The following RAB33A variants were observed in gnomAD, a reference collection of about 807,000 sequenced individuals.
RAB33A encodes the protein ras-related protein Rab-33A.
RAB33A carries 6 observed loss-of-function variants against 12.0 expected under a neutral mutation model. The ratio of observed to expected loss-of-function variants is 0.50; its 90% CI spans 0.27 to 0.99. The LOEUF is 0.99. Ranked by LOEUF, RAB33A falls within the 50% of genes least tolerant of loss-of-function variation. RAB33A has a pLI of 0.11. For missense variants in RAB33A, 109 were observed against 192.0 expected, an observed-to-expected ratio of 0.57 and a Z score of 2.55; for synonymous variants, 70 against 82.4, an observed-to-expected ratio of 0.85 and a Z score of 0.81.
chrX:130,138,293 A>G, the RAB33A span, among the ~76,000 whole-genome samples: 987 of 109,589 alleles, frequency 9.0e-3, 8 homozygotes, highest in African/African-American at 0.031. Context: ...GTGAAACCCC[A>G]TCTCTACTAA....
the RAB33A span, among the ~76,000 whole-genome samples, chrX:130,138,330 T>C: frequency 1.8e-5 from 2 of 110,529 alleles, no homozygotes; most frequent in African/African-American, 6.6e-5. Context: ...CCAGGCGTGG[T>C]TACAGGCGCC....
At chrX:130,118,998 A>G in the RAB33A span, among the ~76,000 whole-genome samples, 13 of 111,349 alleles carry the variant, frequency 1.2e-4, no homozygotes, top group African/African-American at 4.3e-4. Context: ...GTCGCTGCCA[A>G]ATTATCTTCC....
chrX:130,126,982 T>G, the RAB33A span, among the ~76,000 whole-genome samples: 1 of 111,792 alleles, frequency 8.9e-6, no homozygotes, highest in Non-Finnish European at 1.9e-5. Context: ...GGAGGAGGGA[T>G]GGCGTTCCGG....
At chrX:130,119,417 G>C in the RAB33A span, among the ~76,000 whole-genome samples, 7 of 112,387 alleles carry the variant, frequency 6.2e-5, no homozygotes, top group Admixed American at 2.8e-4. Flanking sequence ...GCTTGGGGAA[G>C]AGCTCACCGC....
chrX:130,116,936 G>A, the RAB33A span, among the ~76,000 whole-genome samples: 2 of 112,103 alleles, frequency 1.8e-5, no homozygotes, highest in Admixed American at 9.4e-5. Flanking sequence ...TACATTGGCC[G>A]GGTGCTGTGG....
chrX:130,130,753 G>C, the RAB33A span, among the ~76,000 whole-genome samples: 1 of 111,955 alleles, frequency 8.9e-6, no homozygotes, highest in Non-Finnish European at 1.9e-5. Context: ...AAAGCAGAAG[G>C]CACTTCCATT....
the RAB33A span, among the ~76,000 whole-genome samples, chrX:130,162,380 G>T: frequency 4.5e-5 from 5 of 111,922 alleles, no homozygotes; most frequent in Non-Finnish European, 9.4e-5. Context: ...TTAAAATACA[G>T]ATTCCCAGAA....
At chrX:130,159,791 CA>C in the RAB33A span, among the ~76,000 whole-genome samples, 18 of 90,024 alleles carry the variant, frequency 2.0e-4, no homozygotes, top group African/African-American at 4.1e-4. Flanking sequence ...CTCAATTTGC[CA>C]AAAAAAAAAG....
At chrX:130,169,820 T>C (rs2031586190), upstream of RAB33A, among the ~76,000 whole-genome samples, 1 of 112,380 alleles carries the variant, frequency 8.9e-6, no homozygotes, top group Non-Finnish European at 1.9e-5. Flanking sequence ...TAGCTGTGAA[T>C]TGGCAAAGGG....
chrX:130,169,773 G>GT (rs931856686), upstream of RAB33A, among the ~76,000 whole-genome samples: 4 of 112,177 alleles, frequency 3.6e-5, no homozygotes, highest in African/African-American at 9.7e-5. Flanking sequence ...ATGTACATAT[G>GT]TTTTTTTAAT....
chrX:130,155,289 G>C, the RAB33A span: 1 of 1,207,418 alleles, frequency 8.3e-7, no homozygotes, highest in African/African-American at 1.8e-5. Context: ...CTGCACAACT[G>C]TAGGTAAAGA....
the RAB33A span, among the ~76,000 whole-genome samples, chrX:130,121,187 T>C: frequency 9.8e-5 from 11 of 112,109 alleles, no homozygotes; most frequent in Non-Finnish European, 1.7e-4. Flanking sequence ...AATGAGACTC[T>C]TCCCCGGTCC....
chrX:130,164,617 G>T, the RAB33A span, among the ~76,000 whole-genome samples: 1 of 111,745 alleles, frequency 8.9e-6, no homozygotes, highest in South Asian at 3.7e-4. Context: ...ACGAAAAGAA[G>T]CAGGCTCAAG....
the RAB33A span, chrX:130,155,148 C>A: frequency 3.3e-6 from 4 of 1,210,772 alleles, no homozygotes; most frequent in Non-Finnish European, 4.5e-6. Flanking sequence ...TTAGTGTAAG[C>A]ATCTTACATA....
chrX:130,121,916 G>A, the RAB33A span, among the ~76,000 whole-genome samples: 1 of 112,389 alleles, frequency 8.9e-6, no homozygotes, highest in African/African-American at 3.2e-5. Context: ...CAATGAACAA[G>A]TGAGAACATG....
At chrX:130,115,328 A>G in the RAB33A span, among the ~76,000 whole-genome samples, 1 of 111,612 alleles carries the variant, frequency 9.0e-6, no homozygotes, top group African/African-American at 3.3e-5. Flanking sequence ...AAAGTTGCCT[A>G]TTGGCCAGGC....
chrX:130,158,687 A>C, the RAB33A span, among the ~76,000 whole-genome samples: 2 of 95,538 alleles, frequency 2.1e-5, no homozygotes, highest in Non-Finnish European at 4.1e-5. Flanking sequence ...CACTAACACT[A>C]ACCATAGCTG....
the RAB33A span, among the ~76,000 whole-genome samples, chrX:130,125,420 C>T: frequency 9.0e-6 from 1 of 111,124 alleles, no homozygotes; most frequent in African/African-American, 3.3e-5. Flanking sequence ...TGTCTGTGCC[C>T]GCCAGGAATT....
chrX:130,178,614 A>G (rs1428115946), intron 1 of RAB33A, among the ~76,000 whole-genome samples: 1 of 110,937 alleles, frequency 9.0e-6, no homozygotes, highest in Non-Finnish European at 1.9e-5. Context: ...TGGGTGACTG[A>G]GCGAGACCAT....
Sources: gnomAD v4.1 joint callset for allele counts (sites outside exome capture counted in the v4.1 genomes callset) on GRCh38, gnomAD v4.1.1 for gene constraint, MANE v1.5 for transcripts, NCBI Gene and HGNC (gene_info 2026-07-23, HGNC 2026-07-21) for gene names.